TMLHE: variants seen among roughly 807,000 people sequenced by gnomAD.
TMLHE encodes trimethyllysine dioxygenase, mitochondrial.
Under a neutral mutation model 25.7 loss-of-function variants are expected in TMLHE, and 18 were observed. That is an observed-to-expected ratio of 0.70 (90% CI 0.48 to 1.04). TMLHE has a LOEUF of 1.04. Ranked by LOEUF, TMLHE falls within the 50% of genes least tolerant of loss-of-function variation. The probability of loss-of-function intolerance (pLI) is 0.00; values close to 1 mark genes in which losing one functional copy is unlikely to be tolerated. For missense variants in TMLHE, 236 were observed against 259.0 expected (o/e 0.91, Z 0.61); for synonymous variants, 105 against 97.0 (o/e 1.08, Z -0.49).
rs1557339629 is a variant in TMLHE at position 155,549,318 on chromosome X, TTTC to T, written c.-1-4044_-1-4042del. ...CTGATCTTAGGGGAAAACATTCTAG[TTTC>T]ATGATTAAGTATGTTGTTAGCCATG... On this transcript the variant is annotated intron_variant, in intron 1 of 7. Coordinates refer to ENST00000334398, the MANE Select transcript of TMLHE (RefSeq NM_018196.4). Among the ~76,000 whole-genome samples the T allele has an allele frequency of 2.7e-5, 3 of 110,776 alleles. 1 individual carries two copies. The highest frequency in any genetic ancestry group is 5.7e-5 in the Non-Finnish European group (3 of 53,005).
intron 3 of TMLHE, among the ~76,000 whole-genome samples, chrX:155,522,435 G>T (rs1048037544): frequency 9.0e-6 from 1 of 111,649 alleles, no homozygotes. Flanking sequence ...ATATTCATTT[G>T]TGTGCATAGC....
chrX:155,568,300 G>A (rs1405903367), intron 1 of TMLHE, among the ~76,000 whole-genome samples: 1 of 61,622 alleles, frequency 1.6e-5, no homozygotes, highest in African/African-American at 3.6e-5. Context: ...GCCCACCATT[G>A]CCCAGGCTTC....
At position 155,555,812 on chromosome X, in the gene TMLHE, C is replaced by T. The variant is rs1349431831; in HGVS notation, c.-1-10535G>A. Among the ~76,000 whole-genome samples the T allele has an allele frequency of 6.4e-5, 7 of 110,174 alleles. No individual in the cohort carries two copies. The East Asian group carries it at 8.5e-4, about 13-fold the overall frequency. ...TAGACTGCAAAAATTTTCTCCCATT[C>T]TGTAGGTTGCCTGTTCACTCTGATG... is the stretch of plus-strand genomic sequence containing the variant. On this transcript the variant is annotated intron_variant, in intron 1 of 7. Transcript: ENST00000334398.
At chrX:155,611,954 G>A (rs1341721272) in intron 1 of TMLHE, among the ~76,000 whole-genome samples, 2 of 111,972 alleles carry the variant, frequency 1.8e-5, no homozygotes, top group Non-Finnish European at 3.8e-5. Context: ...TTATGAAAGT[G>A]TTTCTTAAAT....
Position 155,571,683 on chromosome X carries a change from C to T in TMLHE, c.-1-26406G>A, listed in dbSNP as rs1232839883. On this transcript the variant is annotated intron_variant, in intron 1 of 7. Coordinates refer to ENST00000334398, the MANE Select transcript of TMLHE (RefSeq NM_018196.4). The stretch of plus-strand genomic sequence containing the variant: ...TGGGATGCAAGGCTGGTTCAATATA[C>T]GCAAATCAATAAATGTAATCCAGCA... 2.0e-4 allele frequency among the ~76,000 whole-genome samples: 9 copies of T among 45,185 alleles called. 1 individual carries two copies. Among genetic ancestry groups the T allele is most frequent in the African/African-American group, 4.2e-4 (8 of 18,880 alleles). The allele number at this position is 45,185 out of a possible 115,157, so 39.2% of individuals were successfully genotyped here.
At chrX:155,532,831 G>C (rs1034414772) in intron 2 of TMLHE, among the ~76,000 whole-genome samples, 1 of 110,738 alleles carries the variant, frequency 9.0e-6, no homozygotes, top group Non-Finnish European at 1.9e-5. Context: ...ATGATGCACA[G>C]TTCAACAAAC....
chrX:155,524,394 C>A, intron 3 of TMLHE, 62 bp downstream of exon 3: 2 of 961,966 alleles, frequency 2.1e-6, no homozygotes, highest in Non-Finnish European at 2.7e-6. Flanking sequence ...AACCATTTTC[C>A]ACAAAATAAC....
In TMLHE at chrX:155,535,433, G is replaced by C. The variant is rs183861754; in HGVS notation, c.181+9663C>G. 6.3e-5 allele frequency among the ~76,000 whole-genome samples: 7 copies of C among 111,777 alleles called. No homozygotes were observed. In the East Asian group the frequency reaches 8.4e-4, roughly 13 times the overall value. ...TGTTGCTATATCCTCAAATGATAGA[G>C]ATAGAATGTGCTCTCTCTTATAATG... On this transcript the variant is annotated intron_variant, in intron 2 of 7. Coordinates refer to ENST00000334398, the MANE Select transcript of TMLHE (RefSeq NM_018196.4).
chrX:155,571,615 A>G lies in TMLHE; in HGVS notation c.-1-26338T>C, dbSNP rs1174914309. Among the ~76,000 whole-genome samples the G allele has an allele frequency of 4.5e-5, 2 of 44,053 alleles. 1 individual carries two copies. The highest frequency in any genetic ancestry group is 1.2e-4 in the Non-Finnish European group (2 of 17,287). The allele number at this position is 44,053 out of a possible 115,157, so 38.3% of individuals were successfully genotyped here. A position where few individuals can be genotyped will look rare whatever the true frequency, so the allele number is the denominator to read the frequency against. On this transcript the variant is annotated intron_variant, in intron 1 of 7. Coordinates refer to ENST00000334398, the MANE Select transcript of TMLHE (RefSeq NM_018196.4). ...ATACTGGCAAACCGAATCCAGCAGC[A>G]CATCAAAAAGCTTATCCACCATGAT...
At chrX:155,542,128 G>C (rs2067316532) in intron 2 of TMLHE, among the ~76,000 whole-genome samples, 1 of 111,191 alleles carries the variant, frequency 9.0e-6, no homozygotes, top group Non-Finnish European at 1.9e-5. Flanking sequence ...CCAAGCCTAT[G>C]TCCTGAATGG....
chrX:155,511,428 T>C (rs1045970830), intron 5 of TMLHE, among the ~76,000 whole-genome samples: 8 of 104,288 alleles, frequency 7.7e-5, no homozygotes, highest in African/African-American at 2.5e-4. Context: ...AAATCTCTCT[T>C]TTTTTTTTTT....
At chrX:155,573,058 G>C (rs782618471) in intron 1 of TMLHE, among the ~76,000 whole-genome samples, 2 of 56,930 alleles carry the variant, frequency 3.5e-5, no homozygotes, top group African/African-American at 8.3e-5. Context: ...CTACAAAATG[G>C]GAGAAAATTC....
rs868935569 is a variant in TMLHE at position 155,601,026 on chromosome X, G to C, written c.-2+11766C>G. On this transcript the variant is annotated intron_variant, in intron 1 of 7. Transcript: ENST00000334398. ...GCATCAGAGGCCACACCCTGTGGGG[G>C]AGGCCAGAAGGCAGTGGAATAGCAA... 4.2e-4 allele frequency among the ~76,000 whole-genome samples: 47 copies of C among 112,064 alleles called. 1 individual carries two copies. Among genetic ancestry groups the C allele is most frequent in the African/African-American group, 1.5e-3 (46 of 30,811 alleles).
chrX:155,582,931 A>G (rs2067640260), intron 1 of TMLHE, among the ~76,000 whole-genome samples: 1 of 112,712 alleles, frequency 8.9e-6, no homozygotes, highest in South Asian at 3.6e-4. Context: ...CCAAATGTCC[A>G]TCAATGATAG....
intron 1 of TMLHE, among the ~76,000 whole-genome samples, chrX:155,589,487 C>T (rs781797935): frequency 9.0e-5 from 10 of 111,685 alleles, no homozygotes; most frequent in African/African-American, 3.3e-4. Flanking sequence ...ATGTCATTTG[C>T]AGCAACATGG....
chrX:155,556,148 C>G lies in TMLHE; in HGVS notation c.-1-10871G>C, dbSNP rs782798498. Among the ~76,000 whole-genome samples, 4 of 87,664 alleles carry G rather than the reference C, an allele frequency of 4.6e-5. No individual in the cohort carries two copies. In the East Asian group the frequency reaches 1.1e-3, roughly 25 times the overall value. 76.1% of individuals were successfully genotyped at this position (87,664 alleles called of 115,157 possible). ...CTACGTGGCAAGTAAGGCAGGCAGT[C>G]TCTAGAAGATGAGAGTGAGTTACAG... is the stretch of plus-strand genomic sequence containing the variant. On this transcript the variant is annotated intron_variant, in intron 1 of 7. Coordinates refer to ENST00000334398, the MANE Select transcript of TMLHE (RefSeq NM_018196.4).
intron 1 of TMLHE, among the ~76,000 whole-genome samples, chrX:155,548,531 T>TTGTGGAATCACTGGGTCAAATG (rs1569562089): frequency 1.9e-5 from 2 of 107,811 alleles, no homozygotes; most frequent in African/African-American, 3.6e-5. Flanking sequence ...GTCAGCAGTA[T>TTGTGGAATCACTGGGTCAAATG]GAGGCCAGCC....
chrX:155,513,556 A>G (rs1263905876), intron 4 of TMLHE, among the ~76,000 whole-genome samples: 2 of 111,096 alleles, frequency 1.8e-5, no homozygotes, highest in African/African-American at 6.5e-5. Flanking sequence ...GGAATCACAG[A>G]AGGTCAAATT....
chrX:155,559,376 T>TA (rs1451022684), intron 1 of TMLHE, among the ~76,000 whole-genome samples: 1 of 110,933 alleles, frequency 9.0e-6, no homozygotes, highest in Non-Finnish European at 1.9e-5. Context: ...TATTATCTTT[T>TA]AAAAAAAAGA....
Sources: gnomAD v4.1 joint callset for allele counts (sites outside exome capture counted in the v4.1 genomes callset) on GRCh38, gnomAD v4.1.1 for gene constraint, MANE v1.5 for transcripts, NCBI Gene and HGNC (gene_info 2026-07-23, HGNC 2026-07-21) for gene names.